Variants in USP1 observed in about 807,000 individuals in gnomAD.
USP1 encodes the protein ubiquitin carboxyl-terminal hydrolase 1.
In USP1, 18 loss-of-function variants were observed where a neutral mutation model predicts 72.2. The observed-to-expected ratio is 0.25, with a 90% confidence interval of 0.17 to 0.37. The LOEUF (loss-of-function observed/expected upper bound fraction) is 0.37, where lower values mean the gene tolerates loss of function less well. Among genes scored for constraint, USP1 ranks in the 10% least tolerant of loss-of-function variants. The probability of loss-of-function intolerance (pLI) is 1.00; values close to 1 mark genes in which losing one functional copy is unlikely to be tolerated. For missense variants in USP1, 759 were observed against 884.9 expected (o/e 0.86, Z 1.81); for synonymous variants, 354 against 303.7 (o/e 1.17, Z -1.72).
At chr1:62,447,972 G>A (rs1458833252) in intron 7 of USP1, among the ~76,000 whole-genome samples, 1 of 152,126 alleles carries the variant, frequency 6.6e-6, no homozygotes, top group Non-Finnish European at 1.5e-5. Flanking sequence ...ATTTTTAGTA[G>A]AGACGGGGTT....
rs1355071363 is a variant in USP1 at position 62,440,226 on chromosome 1, G to C, written c.170+189G>C. ...GGTGGTTCCCCGTAGGAATCACATC[G>C]ATAATGTTTAACTCATGTTAACACT... On this transcript the variant is annotated intron_variant, in intron 2 of 8. Coordinates refer to ENST00000339950, the MANE Select transcript of USP1 (RefSeq NM_003368.5). Among the ~76,000 whole-genome samples, 4 of 152,238 alleles carry C rather than the reference G, an allele frequency of 2.6e-5. No individual in the cohort carries two copies. The East Asian group carries it at 7.7e-4, about 29-fold the overall frequency.
chr1:62,443,706 G>T (rs1645149434), intron 5 of USP1, among the ~76,000 whole-genome samples: 2 of 152,182 alleles, frequency 1.3e-5, no homozygotes, highest in Non-Finnish European at 2.9e-5. Flanking sequence ...GTGGTCCTAA[G>T]GATTTCACAT....
Position 62,450,428 on chromosome 1 carries a change from A to G in USP1, c.1805A>G (p.Asp602Gly). The change falls in exon 9 of 9, where the codon GAC (aspartate) becomes GGC (glycine). Residue 602 changes from aspartate (D) to glycine (G), a missense_variant. Asp to Gly is a moderately conservative substitution (Grantham distance 94, BLOSUM62 -1). Coordinates refer to ENST00000339950, the MANE Select transcript of USP1 (RefSeq NM_003368.5). ...TACACTGCTTCTGTTAAAGTCACTGACCTTAACAGTTTAGAACTAGATAAA... is the reference window on the plus strand; with the variant it reads ...TACACTGCTTCTGTTAAAGTCACTGGCCTTAACAGTTTAGAACTAGATAAA... ...GHYTASVKVTDLNSLELDKGN... is the reference protein window; with the variant it reads ...GHYTASVKVTGLNSLELDKGN... 1 of 1,614,172 alleles carries G rather than the reference A, an allele frequency of 6.2e-7. No individual in the cohort carries two copies. Among genetic ancestry groups the G allele is most frequent in the South Asian group, 1.1e-5 (1 of 91,080 alleles).
At chr1:62,443,398 A>G in intron 5 of USP1, 79 bp downstream of exon 5, 1 of 1,395,430 alleles carries the variant, frequency 7.2e-7, no homozygotes, top group Non-Finnish European at 9.5e-7. Flanking sequence ...ATGCGAAGAA[A>G]CAGGAATAAA....
chr1:62,450,079 T>TA (rs1645203283), intron 8 of USP1, among the ~76,000 whole-genome samples, 167 bp from the exon 9 acceptor site: 1 of 152,206 alleles, frequency 6.6e-6, no homozygotes, highest in African/African-American at 2.4e-5. Flanking sequence ...CTGCATATAT[T>TA]ATAAATATTA....
In USP1 at chr1:62,443,380, A is replaced by G. The variant is rs146461168; in HGVS notation, c.557+61A>G. The G allele has an allele frequency of 1.8e-4, 268 of 1,455,238 alleles. No individual in the cohort carries two copies. The East Asian group carries it at 5.2e-3, about 28-fold the overall frequency. 90.1% of individuals were successfully genotyped at this position (1,455,238 alleles called of 1,614,324 possible). A position where few individuals can be genotyped will look rare whatever the true frequency, so the allele number is the denominator to read the frequency against. ...AGCTACTTGTTTATATCCTTGGAGG[A>G]GAATGACATGCGAAGAAACAGGAAT... is the stretch of plus-strand genomic sequence containing the variant. On this transcript the variant is annotated intron_variant, in intron 5 of 8. Transcript: ENST00000339950.
rs764583382 is a variant in USP1 at position 62,448,341 on chromosome 1, T to G, written c.1421-124T>G. 288 of 898,238 alleles carry G rather than the reference T, an allele frequency of 3.2e-4. 2 individuals carry two copies. The highest frequency in any genetic ancestry group is 7.2e-5 in the Non-Finnish European group (43 of 597,448). The allele number at this position is 898,238 out of a possible 1,614,324, so 55.6% of individuals were successfully genotyped here. ...AAAGTAGTTTCTGAAAGTAAAAATC[T>G]CTTTAGTTATTTAGGAATGGGTCGG... On this transcript the variant is annotated intron_variant, in intron 7 of 8. Coordinates refer to ENST00000339950, the MANE Select transcript of USP1 (RefSeq NM_003368.5).
At chr1:62,449,098 G>T (rs1033939763) in intron 8 of USP1, among the ~76,000 whole-genome samples, 1 of 152,036 alleles carries the variant, frequency 6.6e-6, no homozygotes, top group Non-Finnish European at 1.5e-5. Context: ...TGCCCAGTCT[G>T]ATCTTGAACT....
At chr1:62,440,211 C>T (rs1428406084) in intron 2 of USP1, among the ~76,000 whole-genome samples, 174 bp downstream of exon 2, 5 of 152,008 alleles carry the variant, frequency 3.3e-5, no homozygotes, top group African/African-American at 7.3e-5. Flanking sequence ...GGTGGTTCCC[C>T]GTAGGAATCA....
In USP1 at chr1:62,445,026, A is replaced by G. The variant is rs1000100118; in HGVS notation, c.846A>G (p.Lys282=). 1 of 1,613,074 alleles carries G rather than the reference A, an allele frequency of 6.2e-7. No homozygotes were observed. Among genetic ancestry groups the G allele is most frequent in the African/African-American group, 1.3e-5 (1 of 74,812 alleles). The change falls in exon 6 of 9, where the codon AAA becomes AAG. Residue 282 remains lysine (K), a synonymous_variant. Coordinates refer to ENST00000339950, the MANE Select transcript of USP1 (RefSeq NM_003368.5). ...ACACTGAATTTGGTAACATGAAGAA[A>G]AAAGTTAAATTATCCAAGGAACACC... The part of the protein sequence containing the change: ...KSDTEFGNMK[K]KVKLSKEHQS...
rs34522182 is a variant in USP1, at chr1:62,444,260, C to CAAAAAAAAA, written c.558-466_558-458dup. Among the ~76,000 whole-genome samples, 75 of 72,382 alleles carry CAAAAAAAAA rather than the reference C, an allele frequency of 1.0e-3. 1 individual carries two copies. Among genetic ancestry groups the CAAAAAAAAA allele is most frequent in the African/African-American group, 4.3e-3 (72 of 16,722 alleles). 47.5% of individuals were successfully genotyped at this position (72,382 alleles called of 152,430 possible). ...GGCAACAGATCAAGACCCTTGTCTC[C>CAAAAAAAAA]AAAAAAAAAAAAAAAAAAAAGGCCA... On this transcript the variant is annotated intron_variant, in intron 5 of 8. Transcript: ENST00000339950.
At chr1:62,440,464 A>G (rs1645125198) in intron 2 of USP1, among the ~76,000 whole-genome samples, 1 of 152,174 alleles carries the variant, frequency 6.6e-6, no homozygotes, top group African/African-American at 2.4e-5. Context: ...TTGGAGGCAT[A>G]TGATTGCAAA....
Position 62,446,425 on chromosome 1 carries a change from G to A in USP1, c.1250-916G>A, listed in dbSNP as rs564401379. On this transcript the variant is annotated intron_variant, in intron 6 of 8. Transcript: ENST00000339950. Reference sequence around the variant, plus strand: ...TACGGGCTACAGGCAAGCTTTGCATGGCCTATTGCTCCTAGGCAACAAACC... The same window carrying A: ...TACGGGCTACAGGCAAGCTTTGCATAGCCTATTGCTCCTAGGCAACAAACC... Among the ~76,000 whole-genome samples, 9 of 152,234 alleles carry A rather than the reference G, an allele frequency of 5.9e-5. No homozygotes were observed. The South Asian group carries it at 1.9e-3, about 32-fold the overall frequency.
In USP1 at chr1:62,445,313, C is replaced by T. The variant is rs1480184883; in HGVS notation, c.1133C>T (p.Pro378Leu). Reference protein sequence around the residue: ...KGQSKENECDPEEDLGKCESD... With the variant: ...KGQSKENECDLEEDLGKCESD... ...CAATCTAAAGAAAATGAATGTGATC[C>T]TGAAGAGGACTTGGGGAAGTGTGAA... Residue 378 changes from proline (P) to leucine (L), a missense_variant, in exon 6 of 9, where the codon CCT becomes CTT. By Grantham distance (98) the Pro-to-Leu change is moderately conservative (BLOSUM62 -3). Coordinates refer to ENST00000339950, the MANE Select transcript of USP1 (RefSeq NM_003368.5). 6 of 1,613,390 alleles carry T rather than the reference C, an allele frequency of 3.7e-6. No individual in the cohort carries two copies. The South Asian group carries it at 6.6e-5, about 18-fold the overall frequency.
Position 62,445,443 on chromosome 1 carries a change from T to C in USP1, c.1249+14T>C. Reference sequence around the variant, plus strand: ...CCATAAACAAAGGTTAGTATAATTCTTAGACTTTGATAGGTAGAAGCATTA... The same window carrying C: ...CCATAAACAAAGGTTAGTATAATTCCTAGACTTTGATAGGTAGAAGCATTA... On this transcript the variant is annotated intron_variant, in intron 6 of 8. Coordinates refer to ENST00000339950, the MANE Select transcript of USP1 (RefSeq NM_003368.5). 6.6e-7 allele frequency: 1 copy of C among 1,508,426 alleles called. No individual in the cohort carries two copies. The highest frequency in any genetic ancestry group is 1.4e-5 in the African/African-American group (1 of 71,516). The allele number at this position is 1,508,426 out of a possible 1,614,324, so 93.4% of individuals were successfully genotyped here.
At chr1:62,442,932 G>T (rs1645143684) in intron 4 of USP1, among the ~76,000 whole-genome samples, 1 of 152,100 alleles carries the variant, frequency 6.6e-6, no homozygotes, top group African/African-American at 2.4e-5. Flanking sequence ...AGCCCAGGAG[G>T]TTGAGGCTCC....
At chr1:62,446,191 G>T (rs1168967073) in intron 6 of USP1, among the ~76,000 whole-genome samples, 1 of 151,978 alleles carries the variant, frequency 6.6e-6, no homozygotes, top group Non-Finnish European at 1.5e-5. Flanking sequence ...TGAATTTCAC[G>T]GTGTACTTAC....
Position 62,444,978 on chromosome 1 carries a change from A to G in USP1, c.798A>G (p.Lys266=). The change falls in exon 6 of 9, where the codon AAA becomes AAG. Residue 266 remains lysine, a synonymous_variant. Coordinates refer to ENST00000339950, the MANE Select transcript of USP1 (RefSeq NM_003368.5). ...AAGACTTTAAAGAGAAACTCCCAAA[A>G]GGAAATGGGAAAAGAAAAAGTGACA... is the stretch of plus-strand genomic sequence containing the variant. ...HSEDFKEKLP[K]GNGKRKSDTE... is the part of the protein sequence containing the mutation. The G allele has an allele frequency of 6.2e-7, 1 of 1,613,802 alleles. No individual in the cohort carries two copies. Among genetic ancestry groups the G allele is most frequent in the Non-Finnish European group, 8.5e-7 (1 of 1,179,898 alleles).
rs751712006 is a variant in USP1, at chr1:62,450,920, C to G, written c.2297C>G (p.Ser766Cys). Residue 766 changes from serine to cysteine, a missense_variant, in exon 9 of 9, where the codon TCT (serine) becomes TGT (cysteine). Coordinates refer to ENST00000339950, the MANE Select transcript of USP1 (RefSeq NM_003368.5). ...ACTGAAGAGAAGGACTTTCTGAATT[C>G]TCTTTCCCCTTCTACATCTCCTACT... ...KVTEEKDFLN[S>C]LSPSTSPTST... 2 of 1,612,860 alleles carry G rather than the reference C, an allele frequency of 1.2e-6. No homozygotes were observed. Among genetic ancestry groups the G allele is most frequent in the East Asian group, 2.2e-5 (1 of 44,836 alleles).
Sources: gnomAD v4.1 joint callset for allele counts (sites outside exome capture counted in the v4.1 genomes callset) on GRCh38, gnomAD v4.1.1 for gene constraint, MANE v1.5 for transcripts, NCBI Gene and HGNC (gene_info 2026-07-23, HGNC 2026-07-21) for gene names.